The following VAPA variants were observed in gnomAD, a reference collection of about 807,000 sequenced individuals.
VAPA encodes VAMP associated protein A, also known as vesicle-associated membrane protein-associated protein A.
A neutral mutation model predicts 25.6 loss-of-function variants in VAPA; 6 were observed. The ratio of observed to expected loss-of-function variants is 0.23; its 90% CI spans 0.13 to 0.46. VAPA has a LOEUF of 0.46. VAPA is among the 20% of genes least tolerant of loss of function. The probability of loss-of-function intolerance (pLI) is 0.99; values close to 1 mark genes in which losing one functional copy is unlikely to be tolerated. For missense variants in VAPA, 244 were observed against 302.1 expected (o/e 0.81, Z 1.43); for synonymous variants, 112 against 106.2 (o/e 1.05, Z -0.34).
At chr18:9,937,090 A>AT (rs760029182) in intron 4 of VAPA, 24 bp downstream of exon 4, 5 of 1,600,920 alleles carry the variant, frequency 3.1e-6, no homozygotes, top group Non-Finnish European at 4.3e-6. Flanking sequence ...TGTAAAAAAA[A>AT]TTGGGAGCTG....
At chr18:9,941,492 TAAAC>T (rs986067073) in intron 4 of VAPA, among the ~76,000 whole-genome samples, 6 of 152,190 alleles carry the variant, frequency 3.9e-5, no homozygotes, top group South Asian at 2.1e-4. Flanking sequence ...TATCTAAAGA[TAAAC>T]AAAACACCTC....
chr18:9,932,542 G>A (rs2069266517), intron 2 of VAPA, among the ~76,000 whole-genome samples: 1 of 152,148 alleles, frequency 6.6e-6, no homozygotes, highest in African/African-American at 2.4e-5. Context: ...AGTTGATACT[G>A]GTACCATATC....
intron 1 of VAPA, among the ~76,000 whole-genome samples, chr18:9,930,649 GAAA>G (rs1413122385): frequency 6.6e-6 from 1 of 151,760 alleles, no homozygotes; most frequent in East Asian, 1.9e-4. Context: ...ACCATATAAT[GAAA>G]CAAGCAGTTC....
intron 4 of VAPA, among the ~76,000 whole-genome samples, chr18:9,946,621 T>C (rs1026440944): frequency 9.2e-5 from 14 of 151,956 alleles, no homozygotes; most frequent in South Asian, 2.1e-4. Flanking sequence ...AGCAAAAATA[T>C]GGCATAAGAG....
At position 9,950,456 on chromosome 18, in the gene VAPA, C is replaced by G. The variant is rs2143433864; in HGVS notation, c.479C>G (p.Pro160Arg). 6.2e-7 allele frequency: 1 copy of G among 1,614,014 alleles called. No individual in the cohort carries two copies. The highest frequency in any genetic ancestry group is 2.2e-5 in the East Asian group (1 of 44,858). ...LNASKQDGPM[P>R]KPHSVSLNDT... ...GCATCTAAGCAAGATGGACCTATGCCAAAACCACACAGTGTTTCACTTAAT... is the reference window on the plus strand; with the variant it reads ...GCATCTAAGCAAGATGGACCTATGCGAAAACCACACAGTGTTTCACTTAAT... The change falls in exon 5 of 6, where the codon CCA becomes CGA. Residue 160 changes from proline (P) to arginine (R), a missense_variant. By Grantham distance (103) the Pro-to-Arg change is moderately radical (BLOSUM62 -2). Coordinates refer to ENST00000400000, the MANE Select transcript of VAPA (RefSeq NM_194434.3).
intron 1 of VAPA, among the ~76,000 whole-genome samples, chr18:9,916,730 A>T (rs117003519): frequency 0.019 from 2,952 of 152,328 alleles, 44 homozygotes; most frequent in Non-Finnish European, 0.032. Flanking sequence ...TTAGTTTATG[A>T]TAGAAAAAAA....
chr18:9,937,899 T>C (rs1041492911), intron 4 of VAPA, among the ~76,000 whole-genome samples: 1 of 152,234 alleles, frequency 6.6e-6, no homozygotes, highest in African/African-American at 2.4e-5. Context: ...GGCTCAGTTA[T>C]TGTGTTCCTC....
chr18:9,959,747 ATG>A lies in VAPA; in HGVS notation c.*5539_*5540del, dbSNP rs1289373519. 44 of 138,254 alleles carry A rather than the reference ATG, an allele frequency of 3.2e-4. No homozygotes were observed. Among genetic ancestry groups the A allele is most frequent in the African/African-American group, 1.0e-3 (40 of 38,244 alleles). 8.6% of individuals were successfully genotyped at this position (138,254 alleles called of 1,614,324 possible). On this transcript the variant is annotated 3_prime_UTR_variant, in exon 6 of 6. Transcript: ENST00000400000. The stretch of plus-strand genomic sequence containing the variant: ...AAAAAAAAAAAAAAAAAAAAAAAAA[ATG>A]TGGAGGGTTGAAATGGTAAGGAATT...
At position 9,914,348 on chromosome 18, in the gene VAPA, G is replaced by A; in HGVS notation, c.79+13G>A. The A allele has an allele frequency of 6.4e-7, 1 of 1,570,678 alleles. No individual in the cohort carries two copies. On this transcript the variant is annotated intron_variant, in intron 1 of 5. Transcript: ENST00000400000. ...CTCAAATTCAAAGGTAGGCAGAACGGGGACACCCCCGGGTGGGGTGGGGCG... is the reference window on the plus strand; with the variant it reads ...CTCAAATTCAAAGGTAGGCAGAACGAGGACACCCCCGGGTGGGGTGGGGCG...
intron 1 of VAPA, among the ~76,000 whole-genome samples, chr18:9,915,516 A>C (rs909538242): frequency 6.6e-6 from 1 of 151,990 alleles, no homozygotes; most frequent in Non-Finnish European, 1.5e-5. Flanking sequence ...TCCTATCTTT[A>C]GTTAAGTGTA....
chr18:9,945,137 TG>T, intron 4 of VAPA: 1 of 1,498,688 alleles, frequency 6.7e-7, no homozygotes, highest in Non-Finnish European at 9.1e-7. Context: ...AGCAGATAAG[TG>T]GTATTGTGAG....
intron 1 of VAPA, among the ~76,000 whole-genome samples, chr18:9,925,429 T>C (rs1383673533): frequency 1.3e-5 from 2 of 152,146 alleles, no homozygotes; most frequent in African/African-American, 2.4e-5. Flanking sequence ...TGAAGAGATA[T>C]GTTTTAGTGC....
At position 9,959,983 on chromosome 18, in the gene VAPA, CAA is replaced by C. The variant is rs1223609828; in HGVS notation, c.*5774_*5775del. ...TTTAAGGATATATTTCACATGAAAA[CAA>C]ATACAAACGAGAATCAAAATAAAGT... is the stretch of plus-strand genomic sequence containing the variant. On this transcript the variant is annotated 3_prime_UTR_variant, in exon 6 of 6. Coordinates refer to ENST00000400000, the MANE Select transcript of VAPA (RefSeq NM_194434.3). The C allele has an allele frequency of 1.6e-5, 2 of 121,608 alleles. No individual in the cohort carries two copies. The highest frequency in any genetic ancestry group is 3.9e-5 in the Non-Finnish European group (2 of 51,492). The allele number at this position is 121,608 out of a possible 1,614,324, so 7.5% of individuals were successfully genotyped here.
At chr18:9,944,554 C>T (rs1037300238) in intron 4 of VAPA, among the ~76,000 whole-genome samples, 2 of 152,084 alleles carry the variant, frequency 1.3e-5, no homozygotes, top group East Asian at 3.9e-4. Flanking sequence ...AGAAGACATA[C>T]AAGTGCTTGT....
chr18:9,952,395 C>T (rs542963946), intron 5 of VAPA, among the ~76,000 whole-genome samples: 2 of 151,890 alleles, frequency 1.3e-5, no homozygotes, highest in South Asian at 4.2e-4. Flanking sequence ...GGTGAAACCC[C>T]GTCTCTATTA....
intron 2 of VAPA, among the ~76,000 whole-genome samples, chr18:9,933,090 A>G (rs2069273339): frequency 6.6e-6 from 1 of 152,036 alleles, no homozygotes; most frequent in Non-Finnish European, 1.5e-5. Context: ...CTCAAAACAA[A>G]CAAACAAAAA....
chr18:9,915,679 G>C (rs1423992056), intron 1 of VAPA: 2 of 152,166 alleles, frequency 1.3e-5, no homozygotes, highest in Non-Finnish European at 1.5e-5. Flanking sequence ...CAACTACATT[G>C]TTTTCCATAG....
At chr18:9,924,503 A>G (rs1166841465) in intron 1 of VAPA, among the ~76,000 whole-genome samples, 1 of 152,066 alleles carries the variant, frequency 6.6e-6, no homozygotes, top group Non-Finnish European at 1.5e-5. Flanking sequence ...ACTATTGTTT[A>G]TTTTCTCTGC....
intron 4 of VAPA, among the ~76,000 whole-genome samples, chr18:9,942,277 A>G (rs1054107386): frequency 7.9e-5 from 12 of 152,236 alleles, no homozygotes; most frequent in African/African-American, 2.9e-4. Context: ...TTTATGGGTC[A>G]CTTTATTTTA....
Sources: allele counts gnomAD v4.1 joint callset (sites outside exome capture counted in the v4.1 genomes callset), GRCh38; gene constraint gnomAD v4.1.1; transcripts MANE v1.5; gene names NCBI Gene and HGNC (gene_info 2026-07-23, HGNC 2026-07-21).